The following SLMAP variants were observed in gnomAD, a reference collection of about 807,000 sequenced individuals.
SLMAP encodes the protein sarcolemmal membrane-associated protein.
In SLMAP, 44 loss-of-function variants were observed where a neutral mutation model predicts 128.8. That is an observed-to-expected ratio of 0.34 (90% CI 0.27 to 0.44). The LOEUF is 0.44. SLMAP is among the 20% of genes least tolerant of loss of function. The pLI, the probability that SLMAP is intolerant of heterozygous loss-of-function variation, is 1.00. For missense variants in SLMAP, 787 were observed against 985.3 expected, an observed-to-expected ratio of 0.80 and a Z score of 2.69; for synonymous variants, 327 against 348.8, an observed-to-expected ratio of 0.94 and a Z score of 0.70.
chr3:57,775,060 C>CTTTTTTTTTTTTTTTTTTTTTTTTTTTT (rs530444970), intron 2 of SLMAP, among the ~76,000 whole-genome samples: 1 of 145,516 alleles, frequency 6.9e-6, no homozygotes, highest in Admixed American at 6.9e-5. Flanking sequence ...TTATATTTTT[C>CTTTTTTTTTTTTTTTTTTTTTTTTTTTT]TTTTTTTTTT....
Position 57,860,850 on chromosome 3 carries a change from C to T in SLMAP, c.828+11C>T, listed in dbSNP as rs2306056. On this transcript the variant is annotated intron_variant, in intron 9 of 24. Transcript: ENST00000671191. ...CTTTCAGAAGTTGAGGTATTTCAAT[C>T]AAAAAAAAAATACTAAATAGTATTA... is the stretch of plus-strand genomic sequence containing the variant. 9 of 1,454,774 alleles carry T rather than the reference C, an allele frequency of 6.2e-6. No individual in the cohort carries two copies. In the East Asian group the frequency reaches 1.5e-4, roughly 24 times the overall value. 90.1% of individuals were successfully genotyped at this position (1,454,774 alleles called of 1,614,324 possible).
At chr3:57,889,985 T>C in intron 14 of SLMAP, 56 bp from the exon 15 acceptor site, 1 of 1,235,866 alleles carries the variant, frequency 8.1e-7, no homozygotes, top group Non-Finnish European at 1.2e-6. Flanking sequence ...ACTGCCCAGC[T>C]CAGGGAAATG....
At chr3:57,813,239 G>T (rs2091310860) in intron 2 of SLMAP, among the ~76,000 whole-genome samples, 1 of 151,966 alleles carries the variant, frequency 6.6e-6, no homozygotes, top group Admixed American at 6.6e-5. Context: ...GGGATTACAG[G>T]CATGCGCCAC....
intron 2 of SLMAP, among the ~76,000 whole-genome samples, chr3:57,824,616 C>T (rs1485813798): frequency 6.6e-6 from 1 of 152,108 alleles, no homozygotes; most frequent in African/African-American, 2.4e-5. Flanking sequence ...TTATATCTGT[C>T]CGTATGCCGG....
intron 2 of SLMAP, among the ~76,000 whole-genome samples, chr3:57,789,338 T>C (rs987024839): frequency 6.6e-6 from 1 of 152,030 alleles, no homozygotes; most frequent in Non-Finnish European, 1.5e-5. Flanking sequence ...TGGGAATCTA[T>C]AGCCAAGGAT....
At position 57,856,000 on chromosome 3, in the gene SLMAP, G is replaced by A. The variant is rs528034364; in HGVS notation, c.520-1733G>A. On this transcript the variant is annotated intron_variant, in intron 6 of 24. Transcript: ENST00000671191. ...GGAGGTTGCAGTGAGCCAAGATCGC[G>A]CCATTGCACTCCAGCCTGGGCAACA... Among the ~76,000 whole-genome samples the A allele has an allele frequency of 9.2e-5, 14 of 151,710 alleles. No individual in the cohort carries two copies. In the East Asian group the frequency reaches 2.5e-3, roughly 27 times the overall value.
chr3:57,790,871 CA>C (rs1232044697), intron 2 of SLMAP, among the ~76,000 whole-genome samples: 1 of 151,854 alleles, frequency 6.6e-6, no homozygotes. Context: ...GCAAAGGGGT[CA>C]CATAAAATAA....
intron 21 of SLMAP, among the ~76,000 whole-genome samples, chr3:57,915,566 G>A (rs1184034548): frequency 5.9e-5 from 9 of 152,150 alleles, no homozygotes; most frequent in Non-Finnish European, 1.3e-4. Flanking sequence ...CCACCCCAAA[G>A]AATCTGTGAA....
intron 2 of SLMAP, among the ~76,000 whole-genome samples, chr3:57,814,857 G>A (rs937878597): frequency 2.6e-5 from 4 of 152,062 alleles, no homozygotes; most frequent in Non-Finnish European, 4.4e-5. Context: ...TGTGGTGAAT[G>A]TGTGCCTGTA....
At chr3:57,834,605 A>G (rs949894637) in intron 3 of SLMAP, among the ~76,000 whole-genome samples, 2 of 152,112 alleles carry the variant, frequency 1.3e-5, no homozygotes, top group African/African-American at 4.8e-5. Flanking sequence ...CACCATTGAA[A>G]AGACACCAGA....
chr3:57,843,725 T>C (rs1045026614), intron 4 of SLMAP, among the ~76,000 whole-genome samples: 2 of 151,026 alleles, frequency 1.3e-5, no homozygotes, highest in Non-Finnish European at 3.0e-5. Context: ...TCTTTCTTTT[T>C]CTTTCTTTCT....
intron 22 of SLMAP, among the ~76,000 whole-genome samples, chr3:57,919,709 G>C (rs1380430631): frequency 6.6e-6 from 1 of 151,228 alleles, no homozygotes; most frequent in Non-Finnish European, 1.5e-5. Flanking sequence ...CAGGAGAATC[G>C]CTTTGAACCC....
At chr3:57,853,993 ATATATATT>A (rs1343376135) in intron 6 of SLMAP, among the ~76,000 whole-genome samples, 2 of 110,268 alleles carry the variant, frequency 1.8e-5, no homozygotes, top group African/African-American at 7.1e-5. Flanking sequence ...ATATATATAT[ATATATATT>A]TACATATAAT....
intron 2 of SLMAP, among the ~76,000 whole-genome samples, chr3:57,809,995 G>C (rs1025534947): frequency 1.3e-5 from 2 of 152,186 alleles, no homozygotes; most frequent in Non-Finnish European, 2.9e-5. Flanking sequence ...TTGCCATACT[G>C]CAGATAAAGA....
chr3:57,792,260 A>C (rs79435623), intron 2 of SLMAP, among the ~76,000 whole-genome samples: 1 of 152,032 alleles, frequency 6.6e-6, no homozygotes, highest in East Asian at 1.9e-4. Context: ...AGCAATGTCT[A>C]TCTTCTTCTC....
At chr3:57,881,973 C>T (rs1469685139) in intron 14 of SLMAP, among the ~76,000 whole-genome samples, 1 of 152,040 alleles carries the variant, frequency 6.6e-6, no homozygotes, top group Non-Finnish European at 1.5e-5. Flanking sequence ...AGCCACAGTA[C>T]TCCAGCCTGG....
At chr3:57,821,352 C>T (rs184176182) in intron 2 of SLMAP, among the ~76,000 whole-genome samples, 10 of 152,154 alleles carry the variant, frequency 6.6e-5, no homozygotes, top group African/African-American at 1.4e-4. Flanking sequence ...ATTTGTAAGA[C>T]GTTCGGGTAA....
chr3:57,773,563 G>A (rs970993657), intron 2 of SLMAP, among the ~76,000 whole-genome samples: 4 of 152,174 alleles, frequency 2.6e-5, no homozygotes, highest in Non-Finnish European at 5.9e-5. Flanking sequence ...ATAAACTTTG[G>A]GGGCTAAGAA....
rs73834742 is a variant in SLMAP at position 57,847,096 on chromosome 3, C to T, written c.420-101C>T. On this transcript the variant is annotated intron_variant, in intron 4 of 24. Coordinates refer to ENST00000671191, the MANE Select transcript of SLMAP (RefSeq NM_001377540.1). ...TCACCTTTTTTTAATTACATGAAGG[C>T]AAATGTATAAACTTTGTGGTGTAAG... is the stretch of plus-strand genomic sequence containing the variant. The T allele has an allele frequency of 4.4e-3, 3,093 of 705,368 alleles. 75 individuals carry two copies. In the African/African-American group the frequency reaches 0.05, roughly 11 times the overall value. 43.7% of individuals were successfully genotyped at this position (705,368 alleles called of 1,614,324 possible). A position where few individuals can be genotyped will look rare whatever the true frequency, so the allele number is the denominator to read the frequency against.
Sources: gnomAD v4.1 joint callset for allele counts (sites outside exome capture counted in the v4.1 genomes callset) on GRCh38, gnomAD v4.1.1 for gene constraint, MANE v1.5 for transcripts, NCBI Gene and HGNC (gene_info 2026-07-23, HGNC 2026-07-21) for gene names.